Variants in NOS2 observed in about 807,000 individuals in gnomAD.
The protein encoded by NOS2 is nitric oxide synthase 2.
A neutral mutation model predicts 136.0 loss-of-function variants in NOS2; 96 were observed. That is an observed-to-expected ratio of 0.71 (90% CI 0.60 to 0.84). The LOEUF (loss-of-function observed/expected upper bound fraction) is 0.84. Among genes scored for constraint, NOS2 ranks in the 40% least tolerant of loss-of-function variants. The pLI, the probability that NOS2 is intolerant of heterozygous loss-of-function variation, is 0.00. For synonymous variants in NOS2, 539 were observed against 587.5 expected (o/e 0.92, Z 1.20); for missense variants, 1,237 against 1,496.9 (o/e 0.83, Z 2.87).
intron 7 of NOS2, 66 bp downstream of exon 7, chr17:27,781,949 G>T: frequency 1.4e-6 from 2 of 1,387,742 alleles, no homozygotes; most frequent in Non-Finnish European, 1.0e-6. Flanking sequence ...CCCAAGTGCT[G>T]CATCTTTTGG....
At position 27,759,094 on chromosome 17, in the gene NOS2, G is replaced by A. The variant is rs1908026515; in HGVS notation, c.3160-19C>T. ...CATAGACCTGAAACCAGAGGAAACA[G>A]TGGGTTCAGTCCTCAGCTGCTCAGG... On this transcript the variant is annotated intron_variant, in intron 25 of 26. Coordinates refer to ENST00000313735, the MANE Select transcript of NOS2 (RefSeq NM_000625.4). 1 of 1,555,970 alleles carries A rather than the reference G, an allele frequency of 6.4e-7. No individual in the cohort carries two copies. Among genetic ancestry groups the A allele is most frequent in the African/African-American group, 1.4e-5 (1 of 73,264 alleles).
chr17:27,797,417 C>G (rs754175371), intron 2 of NOS2, among the ~76,000 whole-genome samples: 1 of 152,238 alleles, frequency 6.6e-6, no homozygotes, highest in Non-Finnish European at 1.5e-5. Flanking sequence ...CATTGTTACC[C>G]TCTTCTTATA....
At chr17:27,795,003 A>G (rs1909311766) in intron 2 of NOS2, among the ~76,000 whole-genome samples, 1 of 150,464 alleles carries the variant, frequency 6.6e-6, no homozygotes, top group South Asian at 2.1e-4. Context: ...TCCCCACACT[A>G]CAGCCTGCCC....
intron 4 of NOS2, among the ~76,000 whole-genome samples, chr17:27,788,364 A>G (rs1909087642): frequency 6.6e-6 from 1 of 152,210 alleles, no homozygotes; most frequent in Non-Finnish European, 1.5e-5. Context: ...AAAAACTTAC[A>G]TGACAGAAAG....
rs1567643068 is a variant in NOS2, at chr17:27,791,781, ACAAAAC to A, written c.111-2099_111-2094del. Among the ~76,000 whole-genome samples the A allele has an allele frequency of 2.3e-4, 29 of 126,370 alleles. 1 individual carries two copies. Among genetic ancestry groups the A allele is most frequent in the African/African-American group, 7.6e-4 (28 of 36,794 alleles). The allele number at this position is 126,370 out of a possible 152,430, so 82.9% of individuals were successfully genotyped here. On this transcript the variant is annotated intron_variant, in intron 2 of 26. Transcript: ENST00000313735. ...GTGTGGCCTGCCAGAAAAAAACAAA[ACAAAAC>A]AAAACAAAACAAAACAAAAATATAT... is the stretch of plus-strand genomic sequence containing the variant.
At chr17:27,796,307 A>T (rs369083842) in intron 2 of NOS2, among the ~76,000 whole-genome samples, 1 of 151,996 alleles carries the variant, frequency 6.6e-6, no homozygotes, top group Non-Finnish European at 1.5e-5. Context: ...AAAATTAACC[A>T]GGCGTGGTGG....
In NOS2 at chr17:27,758,267, A is replaced by G. The variant is rs28944210; in HGVS notation, c.3354+614T>C. Among the ~76,000 whole-genome samples, 455 of 152,082 alleles carry G rather than the reference A, an allele frequency of 3.0e-3. 4 individuals carry two copies. The highest frequency in any genetic ancestry group is 7.4e-3 in the African/African-American group (307 of 41,472). ...TTGGAACCAGAGAGAGGCAGACTGA[A>G]CTCTAGGCTCTCACATTTACTGCTG... is the stretch of plus-strand genomic sequence containing the variant. On this transcript the variant is annotated intron_variant, in intron 26 of 26. Coordinates refer to ENST00000313735, the MANE Select transcript of NOS2 (RefSeq NM_000625.4).
In NOS2 at chr17:27,774,287, G is replaced by C. The variant is rs1354040308; in HGVS notation, c.1446C>G (p.Asn482Lys). 6.5e-7 allele frequency: 1 copy of C among 1,543,384 alleles called. No individual in the cohort carries two copies. The highest frequency in any genetic ancestry group is 2.0e-5 in the Admixed American group (1 of 49,156). Residue 482 changes from asparagine (N) to lysine (K), a missense_variant, in exon 12 of 27, where the codon AAC (asparagine) becomes AAG (lysine). By Grantham distance (94) the Asn-to-Lys change is moderately conservative. Around this residue, in one of 3 missense-constraint regions of NOS2, gnomAD observed 782 missense variants for 909.9 expected, o/e 0.86. Coordinates refer to ENST00000313735, the MANE Select transcript of NOS2 (RefSeq NM_000625.4). ...ITPVFHQEMLNYVLSPFYYYQ... is the reference protein window; with the variant it reads ...ITPVFHQEMLKYVLSPFYYYQ... Reference sequence around the variant, plus strand: ...AGTAGTAGAAAGGGGACAGGACGTAGTTCAGCATCTCCTGGTGAAACACGG... The same window carrying C: ...AGTAGTAGAAAGGGGACAGGACGTACTTCAGCATCTCCTGGTGAAACACGG...
intron 15 of NOS2, 70 bp downstream of exon 15, chr17:27,770,843 C>T: frequency 2.6e-6 from 3 of 1,154,198 alleles, no homozygotes; most frequent in East Asian, 2.5e-5. Context: ...CTGCCGCATC[C>T]CCCAGACCCT....
Position 27,782,087 on chromosome 17 carries a change from C to T in NOS2, c.650G>A (p.Cys217Tyr). 6.2e-7 allele frequency: 1 copy of T among 1,614,114 alleles called. No individual in the cohort carries two copies. The highest frequency in any genetic ancestry group is 8.5e-7 in the Non-Finnish European group (1 of 1,180,016). ...TTCAAACATTTCCCGGGCAGTGGAA[C>T]AGCTGCGGGCATCGAAGACCTGCAA... ...SNLQVFDARSCSTAREMFEHI... is the reference protein window; with the variant it reads ...SNLQVFDARSYSTAREMFEHI... Residue 217 changes from cysteine (C) to tyrosine (Y), a missense_variant, in exon 7 of 27, where the codon TGT becomes TAT. Transcript: ENST00000313735.
chr17:27,777,674 G>T (rs960106226), intron 11 of NOS2, among the ~76,000 whole-genome samples: 1 of 152,184 alleles, frequency 6.6e-6, no homozygotes, highest in African/African-American at 2.4e-5. Context: ...ACTCTTCTAG[G>T]CCAGAGGTGC....
intron 15 of NOS2, 42 bp downstream of exon 15, chr17:27,770,871 G>T: frequency 6.8e-7 from 1 of 1,473,806 alleles, no homozygotes; most frequent in Non-Finnish European, 9.5e-7. Context: ...GTCCTCCCGT[G>T]CCCTACCACC....
At chr17:27,784,398 A>G (rs551763776) in intron 5 of NOS2, among the ~76,000 whole-genome samples, 3 of 152,326 alleles carry the variant, frequency 2.0e-5, no homozygotes, top group African/African-American at 7.2e-5. Context: ...TGCCATAAGG[A>G]GCTGCTGGGT....
At chr17:27,767,885 A>C in intron 17 of NOS2, 48 bp from the exon 18 acceptor site, 4 of 1,607,228 alleles carry the variant, frequency 2.5e-6, no homozygotes, top group Non-Finnish European at 3.4e-6. Flanking sequence ...CAGCAGCAGC[A>C]TCCCCACCAC....
rs202001885 is a variant in NOS2, at chr17:27,770,947, G to A, written c.1775C>T (p.Thr592Met). ...GCCAGGGCAGTCTCCATTGCCAAAC[G>A]TACTGGTCACCACCAACAGCAGCCG... ...EERLLLVVTSTFGNGDCPGNG... is the reference protein window; with the variant it reads ...EERLLLVVTSMFGNGDCPGNG... Residue 592 changes from threonine (T) to methionine (M), a missense_variant, in exon 15 of 27, where the codon ACG becomes ATG. By Grantham distance (81) the Thr-to-Met change is moderately conservative. Around this residue, in one of 3 missense-constraint regions of NOS2, gnomAD observed 782 missense variants for 909.9 expected, o/e 0.86. Transcript: ENST00000313735. 19 of 1,613,900 alleles carry A rather than the reference G, an allele frequency of 1.2e-5. No individual in the cohort carries two copies. The highest frequency in any genetic ancestry group is 4.5e-5 in the East Asian group (2 of 44,894).
chr17:27,777,598 G>A (rs28999386), intron 11 of NOS2, among the ~76,000 whole-genome samples: 257 of 152,300 alleles, frequency 1.7e-3, no homozygotes, highest in African/African-American at 3.8e-3. Context: ...AGGCCAGATC[G>A]CGGATGTGGC....
intron 5 of NOS2, 87 bp from the exon 6 acceptor site, chr17:27,783,193 T>TCAGA: frequency 6.9e-7 from 1 of 1,458,126 alleles, no homozygotes; most frequent in South Asian, 1.2e-5. Flanking sequence ...GGAACTGAAA[T>TCAGA]AGGACATCAG....
In NOS2 at chr17:27,769,896, G is replaced by A. The variant is rs148538256; in HGVS notation, c.1810-312C>T. Among the ~76,000 whole-genome samples the A allele has an allele frequency of 3.9e-5, 6 of 152,290 alleles. No individual in the cohort carries two copies. The East Asian group carries it at 1.2e-3, about 29-fold the overall frequency. The stretch of plus-strand genomic sequence containing the variant: ...CTGGTAGCATGCCTTCTCCAGAGGG[G>A]CTCCGAATGCGCCGTGATTCTGTTT... On this transcript the variant is annotated intron_variant, in intron 15 of 26. Coordinates refer to ENST00000313735, the MANE Select transcript of NOS2 (RefSeq NM_000625.4).
In NOS2 at chr17:27,782,979, G is replaced by A. The variant is rs775227067; in HGVS notation, c.595C>T (p.Arg199Cys). The change falls in exon 6 of 27, where the codon CGC becomes TGC. Residue 199 changes from arginine to cysteine, a missense_variant. Arg to Cys is a radical substitution (Grantham distance 180, BLOSUM62 -3). This residue lies in a region of NOS2 where 440 missense variants were observed against 545.4 expected (regional missense o/e 0.81). Coordinates refer to ENST00000313735, the MANE Select transcript of NOS2 (RefSeq NM_000625.4). ...GACCACTGGATCCTCCCAATGCAGC[G>A]TGGGGCATTGCGCCAGGCCTGCTTG... is the stretch of plus-strand genomic sequence containing the variant. ...ATKQAWRNAP[R>C]CIGRIQWSNL... is the part of the protein sequence containing the mutation. The A allele has an allele frequency of 7.4e-6, 12 of 1,614,080 alleles. No individual in the cohort carries two copies. The highest frequency in any genetic ancestry group is 2.7e-5 in the African/African-American group (2 of 74,944).
Sources: gnomAD v4.1 joint callset for allele counts (sites outside exome capture counted in the v4.1 genomes callset) on GRCh38, gnomAD v4.1.1 for gene constraint, gnomAD v4.1.1 regional missense constraint, MANE v1.5 for transcripts, NCBI Gene and HGNC (gene_info 2026-07-23, HGNC 2026-07-21) for gene names.